The following HDAC9 variants were observed in gnomAD, a reference collection of about 807,000 sequenced individuals.
HDAC9 encodes MEF-2 interacting transcription repressor (MITR) protein.
In HDAC9, 41 loss-of-function variants were observed where a neutral mutation model predicts 139.4. The observed-to-expected ratio is 0.29, with a 90% CI of 0.23 to 0.38. HDAC9 has a LOEUF of 0.38. Among genes scored for constraint, HDAC9 ranks in the 10% least tolerant of loss-of-function variants. HDAC9 has a pLI of 1.00. For missense variants in HDAC9, 1,147 were observed against 1,297.0 expected (o/e 0.88, Z 1.78); for synonymous variants, 517 against 476.2 (o/e 1.09, Z -1.12).
At chr7:18,559,051 T>G (rs1313398835) in intron 2 of HDAC9, among the ~76,000 whole-genome samples, 1 of 152,168 alleles carries the variant, frequency 6.6e-6, no homozygotes, top group Non-Finnish European at 1.5e-5. Flanking sequence ...TGCCTCTTTT[T>G]CTGGTGGATG....
intron 2 of HDAC9, among the ~76,000 whole-genome samples, chr7:18,204,477 C>G (rs1035889732): frequency 2.0e-5 from 3 of 151,554 alleles, no homozygotes; most frequent in African/African-American, 7.3e-5. Context: ...AAATTGCTTT[C>G]TAATATAAAT....
chr7:18,436,366 G>T (rs1468251501), intron 1 of HDAC9, among the ~76,000 whole-genome samples: 1 of 152,180 alleles, frequency 6.6e-6, no homozygotes, highest in Non-Finnish European at 1.5e-5. Context: ...TTGAAAGTTG[G>T]TGTAATCGTA....
At chr7:18,605,592 T>C (rs1835236166) in intron 6 of HDAC9, among the ~76,000 whole-genome samples, 1 of 152,170 alleles carries the variant, frequency 6.6e-6, no homozygotes, top group Non-Finnish European at 1.5e-5. Context: ...TTTTTTCTCA[T>C]ATATTCACTG....
At chr7:18,744,074 C>G (rs1219621173) in intron 13 of HDAC9, among the ~76,000 whole-genome samples, 1 of 134,182 alleles carries the variant, frequency 7.5e-6, no homozygotes, top group Non-Finnish European at 1.5e-5. Flanking sequence ...TGGAGTGCAA[C>G]AGCACTCCCA....
intron 1 of HDAC9, among the ~76,000 whole-genome samples, chr7:18,480,105 G>C (rs935576054): frequency 6.8e-6 from 1 of 147,764 alleles, no homozygotes; most frequent in African/African-American, 2.5e-5. Context: ...TGAGATAAAA[G>C]TAAATTTATT....
chr7:18,777,539 G>C (rs1186020092), intron 16 of HDAC9, among the ~76,000 whole-genome samples: 1 of 151,884 alleles, frequency 6.6e-6, no homozygotes, highest in African/African-American at 2.4e-5. Context: ...GCCCAGTTTC[G>C]TGTTGTATTT....
In HDAC9 at chr7:18,634,905, TACTA is replaced by T. The variant is rs372291587; in HGVS notation, c.912+169_912+172del. 9.9e-5 allele frequency among the ~76,000 whole-genome samples: 15 copies of T among 152,234 alleles called. 1 individual carries two copies. Among genetic ancestry groups the T allele is most frequent in the African/African-American group, 3.1e-4 (13 of 41,556 alleles). On this transcript the variant is annotated intron_variant, in intron 8 of 25. Coordinates refer to ENST00000686413, the MANE Select transcript of HDAC9 (RefSeq NM_178425.4). The stretch of plus-strand genomic sequence containing the variant: ...AAACCAATTGAAAAAAATTGATATT[TACTA>T]ACTAATGTAAATATTATAAACCTAT...
intron 13 of HDAC9, among the ~76,000 whole-genome samples, chr7:18,738,353 AT>A (rs1787123294): frequency 6.6e-6 from 1 of 152,168 alleles, no homozygotes; most frequent in Admixed American, 6.6e-5. Flanking sequence ...TCTTCATAGC[AT>A]CAATGGTCTT....
chr7:18,099,614 T>C (rs1233487708), intron 1 of HDAC9, among the ~76,000 whole-genome samples: 3 of 152,338 alleles, frequency 2.0e-5, no homozygotes, highest in Non-Finnish European at 2.9e-5. Flanking sequence ...CCTTAACTTA[T>C]ATTTTCAAAA....
At chr7:18,134,256 T>C (rs1785237718) in intron 1 of HDAC9, among the ~76,000 whole-genome samples, 1 of 152,174 alleles carries the variant, frequency 6.6e-6, no homozygotes, top group Admixed American at 6.6e-5. Context: ...ATGCCAAGTA[T>C]ATACCTGCTT....
intron 1 of HDAC9, chr7:18,127,161 A>T (rs991090526): frequency 1.2e-5 from 2 of 168,022 alleles, no homozygotes; most frequent in African/African-American, 4.8e-5. Flanking sequence ...TCTCTTCACC[A>T]GTGTCTAGAT....
At chr7:18,717,031 A>G (rs1784753251) in intron 12 of HDAC9, among the ~76,000 whole-genome samples, 1 of 130,036 alleles carries the variant, frequency 7.7e-6, no homozygotes, top group Admixed American at 9.4e-5. Context: ...GTTCGCTGGC[A>G]TGAAAAATGT....
chr7:18,180,258 C>G (rs1169792941), intron 2 of HDAC9, among the ~76,000 whole-genome samples: 1 of 151,066 alleles, frequency 6.6e-6, no homozygotes, highest in Non-Finnish European at 1.5e-5. Flanking sequence ...CACACACACA[C>G]ACACACACAC....
intron 21 of HDAC9, among the ~76,000 whole-genome samples, chr7:18,847,291 T>A (rs997849105): frequency 1.3e-5 from 2 of 152,142 alleles, no homozygotes; most frequent in Non-Finnish European, 2.9e-5. Context: ...AAGCCCCAAT[T>A]TCCATTTTTT....
intron 1 of HDAC9, among the ~76,000 whole-genome samples, chr7:18,097,787 G>A (rs1346782301): frequency 6.6e-6 from 1 of 151,990 alleles, no homozygotes; most frequent in Non-Finnish European, 1.5e-5. Flanking sequence ...TTGTTGACCA[G>A]GCTGGTCTTG....
intron 2 of HDAC9, among the ~76,000 whole-genome samples, chr7:18,206,440 AGGGCCTCAGT>A (rs1432469209): frequency 1.3e-5 from 2 of 152,176 alleles, no homozygotes; most frequent in Non-Finnish European, 2.9e-5. Context: ...AGGAGTAAGC[AGGGCCTCAGT>A]GACGTAAATA....
intron 24 of HDAC9, among the ~76,000 whole-genome samples, chr7:18,968,422 T>C (rs906353375): frequency 2.0e-5 from 3 of 151,958 alleles, no homozygotes; most frequent in Non-Finnish European, 4.4e-5. Context: ...GAAAACTATA[T>C]ACAGATAGAG....
intron 21 of HDAC9, among the ~76,000 whole-genome samples, chr7:18,842,860 C>T (rs572180401): frequency 6.6e-6 from 1 of 152,084 alleles, no homozygotes; most frequent in Non-Finnish European, 1.5e-5. Context: ...AGCCAAGCAT[C>T]AAAGAGATAT....
chr7:18,367,808 T>G (rs1292265252), intron 1 of HDAC9, among the ~76,000 whole-genome samples: 1 of 152,106 alleles, frequency 6.6e-6, no homozygotes, highest in East Asian at 1.9e-4. Flanking sequence ...CAGCAGCCTA[T>G]GAAGGCTGCT....
Sources: gnomAD v4.1 joint callset for allele counts (sites outside exome capture counted in the v4.1 genomes callset) on GRCh38, gnomAD v4.1.1 for gene constraint, MANE v1.5 for transcripts, NCBI Gene and HGNC (gene_info 2026-07-23, HGNC 2026-07-21) for gene names.